Variants in IQCH observed in about 807,000 individuals in gnomAD.
IQCH encodes the protein IQ domain-containing protein H.
In IQCH, 98 loss-of-function variants were observed where a neutral mutation model predicts 117.0. That is an observed-to-expected ratio of 0.84 (90% confidence interval 0.71 to 0.99). IQCH has a LOEUF of 0.99. IQCH is among the 50% of genes least tolerant of loss of function. The probability of loss-of-function intolerance (pLI) is 0.00; values close to 1 mark genes in which losing one functional copy is unlikely to be tolerated. For missense variants in IQCH, 1,102 were observed against 1,243.8 expected, an observed-to-expected ratio of 0.89 and a Z score of 1.72; for synonymous variants, 412 against 448.2, an observed-to-expected ratio of 0.92 and a Z score of 1.02.
intron 18 of IQCH, among the ~76,000 whole-genome samples, chr15:67,485,099 C>G (rs904317279): frequency 6.6e-6 from 1 of 152,086 alleles, no homozygotes; most frequent in Non-Finnish European, 1.5e-5. Flanking sequence ...AAAGAAAAGT[C>G]TCTGCCTACC....
In IQCH at chr15:67,411,232, C is replaced by G. The variant is rs1254394427; in HGVS notation, c.2098-5699C>G. Among the ~76,000 whole-genome samples, 1 of 152,080 alleles carries G rather than the reference C, an allele frequency of 6.6e-6. No homozygotes were observed. The highest frequency in any genetic ancestry group is 1.9e-4 in the East Asian group (1 of 5,178). On this transcript the variant is annotated intron_variant, in intron 14 of 20. Transcript: ENST00000335894. The surrounding 1 kb of genome is among the most constrained non-coding windows in gnomAD (Gnocchi z 4.4). Reference sequence around the variant, plus strand: ...ATCCGGAGCACCTTTCATGGTGCTCCCCACTTTACACTCTGAAGAGGCAGC... The same window carrying G: ...ATCCGGAGCACCTTTCATGGTGCTCGCCACTTTACACTCTGAAGAGGCAGC...
Position 67,254,808 on chromosome 15 carries a change from G to T in IQCH, c.-89G>T. The T allele has an allele frequency of 1.4e-6, 2 of 1,434,698 alleles. No individual in the cohort carries two copies. The highest frequency in any genetic ancestry group is 1.2e-5 in the South Asian group (1 of 82,808). The allele number at this position is 1,434,698 out of a possible 1,614,324, so 88.9% of individuals were successfully genotyped here. Reference sequence around the variant, plus strand: ...CGTGGAACAGGCCAGGTCGCGCGCGGTGTTGCCATGGGGACGAGCGGCTCC... The same window carrying T: ...CGTGGAACAGGCCAGGTCGCGCGCGTTGTTGCCATGGGGACGAGCGGCTCC... On this transcript the variant is annotated 5_prime_UTR_variant, in exon 1 of 21. Transcript: ENST00000335894.
intron 10 of IQCH, among the ~76,000 whole-genome samples, chr15:67,377,388 A>G (rs985454055): frequency 1.3e-5 from 2 of 152,136 alleles, no homozygotes; most frequent in African/African-American, 4.8e-5. Context: ...TAACAAAATA[A>G]TCTACAGTGG....
At chr15:67,377,089 C>T (rs1304336878) in intron 10 of IQCH, among the ~76,000 whole-genome samples, 1 of 146,846 alleles carries the variant, frequency 6.8e-6, no homozygotes, top group Non-Finnish European at 1.5e-5. Context: ...TGCACTCTAG[C>T]CTGGGGACAC....
intron 6 of IQCH, among the ~76,000 whole-genome samples, chr15:67,351,392 C>A (rs1969657341): frequency 6.6e-6 from 1 of 152,116 alleles, no homozygotes; most frequent in Non-Finnish European, 1.5e-5. Context: ...TTTGAATAGA[C>A]CATAGTTAAT....
intron 3 of IQCH, among the ~76,000 whole-genome samples, chr15:67,277,826 C>G (rs1966192357): frequency 2.6e-5 from 4 of 152,166 alleles, no homozygotes; most frequent in Admixed American, 2.0e-4. Flanking sequence ...AGCCACCGCG[C>G]CTGGCCCAGT....
rs2081892612 is a variant in IQCH, at chr15:67,426,493, T to C, written c.2505+4916T>C. Among the ~76,000 whole-genome samples the C allele has an allele frequency of 6.6e-6, 1 of 151,892 alleles. No individual in the cohort carries two copies. Among genetic ancestry groups the C allele is most frequent in the South Asian group, 2.1e-4 (1 of 4,824 alleles). ...ACAATTACAATGTATCCACATTGTATGCATGTATCAAAATAGCACATGTAT... is the reference window on the plus strand; with the variant it reads ...ACAATTACAATGTATCCACATTGTACGCATGTATCAAAATAGCACATGTAT... On this transcript the variant is annotated intron_variant, in intron 16 of 20. Transcript: ENST00000335894. The surrounding 1 kb of genome is among the most constrained non-coding windows in gnomAD (Gnocchi z 5.1).
chr15:67,343,986 C>G, intron 5 of IQCH, 77 bp from the exon 6 acceptor site: 1 of 1,316,188 alleles, frequency 7.6e-7, no homozygotes, highest in East Asian at 2.3e-5. Flanking sequence ...GTAAGTTACA[C>G]TTGTGAAATT....
chr15:67,428,469 T>C (rs1435301472), intron 16 of IQCH, among the ~76,000 whole-genome samples: 1 of 152,128 alleles, frequency 6.6e-6, no homozygotes, highest in Non-Finnish European at 1.5e-5. Flanking sequence ...AAAAGGACTT[T>C]GCATATGTGA....
intron 1 of IQCH, among the ~76,000 whole-genome samples, chr15:67,259,652 T>C (rs570960986): frequency 1.2e-4 from 18 of 152,322 alleles, no homozygotes; most frequent in African/African-American, 4.1e-4. Context: ...TACAGAAAGA[T>C]ACATGGAGCT....
rs1163603039 is a variant in IQCH at position 67,430,720 on chromosome 15, A to G, written c.2505+9143A>G. The stretch of plus-strand genomic sequence containing the variant: ...TAATTACTCACTTTGGGGAAACTCT[A>G]AAAAAAACAAGTGTTTATTGAGCAT... On this transcript the variant is annotated intron_variant, in intron 16 of 20. Transcript: ENST00000335894. The surrounding 1 kb of genome is among the most constrained non-coding windows in gnomAD (Gnocchi z 5.1). 6.6e-6 allele frequency among the ~76,000 whole-genome samples: 1 copy of G among 151,938 alleles called. No homozygotes were observed. The highest frequency in any genetic ancestry group is 1.5e-5 in the Non-Finnish European group (1 of 67,972).
intron 4 of IQCH, among the ~76,000 whole-genome samples, chr15:67,326,487 T>C (rs1968414762): frequency 6.6e-6 from 1 of 152,242 alleles, no homozygotes; most frequent in Non-Finnish European, 1.5e-5. Context: ...CACCCAGTAA[T>C]GGGATGGCTG....
At position 67,413,986 on chromosome 15, in the gene IQCH, G is replaced by A. The variant is rs2081512806; in HGVS notation, c.2098-2945G>A. Among the ~76,000 whole-genome samples the A allele has an allele frequency of 6.6e-6, 1 of 152,210 alleles. No homozygotes were observed. The highest frequency in any genetic ancestry group is 1.5e-5 in the Non-Finnish European group (1 of 68,026). On this transcript the variant is annotated intron_variant, in intron 14 of 20. Transcript: ENST00000335894. This position sits in a 1 kb window ranked among gnomAD's most constrained non-coding sequence, Gnocchi z 5.0. The stretch of plus-strand genomic sequence containing the variant: ...CCACACACAAGCAGCAGGCTGATGA[G>A]TTACTTATTGGCCCTCACATAGTAT...
At position 67,372,398 on chromosome 15, in the gene IQCH, G is replaced by A. The variant is rs1970571629; in HGVS notation, c.1041G>A (p.Glu347=). ...GATATGACCTTCTCTCAGTGTTAGA[G>A]GACCCAGCTCATGTCCAAATGCTGA... ...LTRYDLLSVL[E]DPAHVQMLIN... is the part of the protein sequence containing the mutation. The change falls in exon 9 of 21, where the codon GAG becomes GAA. Residue 347 remains glutamate (E), a synonymous_variant. Transcript: ENST00000335894. 6.2e-7 allele frequency: 1 copy of A among 1,614,106 alleles called. No individual in the cohort carries two copies. Among genetic ancestry groups the A allele is most frequent in the Non-Finnish European group, 8.5e-7 (1 of 1,179,998 alleles).
chr15:67,269,719 A>G (rs28403471), intron 3 of IQCH, among the ~76,000 whole-genome samples: 6 of 143,748 alleles, frequency 4.2e-5, no homozygotes, highest in African/African-American at 1.3e-4. Context: ...TTTAGCTCCC[A>G]CATGTGAGAA....
chr15:67,451,600 A>G (rs1310129652), intron 16 of IQCH, among the ~76,000 whole-genome samples: 1 of 151,930 alleles, frequency 6.6e-6, no homozygotes, highest in Non-Finnish European at 1.5e-5. Flanking sequence ...AGTTTGTTAT[A>G]ATTTCTGTTA....
chr15:67,455,062 C>T (rs1474072638), intron 16 of IQCH, among the ~76,000 whole-genome samples: 2 of 152,182 alleles, frequency 1.3e-5, no homozygotes, highest in African/African-American at 4.8e-5. Context: ...TCTTTGCCAA[C>T]ACTTGTTATT....
chr15:67,418,424 T>C (rs2081630319), intron 15 of IQCH, among the ~76,000 whole-genome samples: 1 of 151,826 alleles, frequency 6.6e-6, no homozygotes, highest in Non-Finnish European at 1.5e-5. Context: ...TCTAAAATTT[T>C]GTGATTCTGT....
chr15:67,464,179 C>T (rs1381914313), intron 16 of IQCH, among the ~76,000 whole-genome samples: 1 of 152,192 alleles, frequency 6.6e-6, no homozygotes, highest in East Asian at 1.9e-4. Context: ...CTTTGACTCT[C>T]CAGTGACTAG....
Sources: gnomAD v4.1 joint callset for allele counts (sites outside exome capture counted in the v4.1 genomes callset) on GRCh38, gnomAD v4.1.1 for gene constraint, Gnocchi (gnomAD v3.1) non-coding constraint, MANE v1.5 for transcripts, NCBI Gene and HGNC (gene_info 2026-07-23, HGNC 2026-07-21) for gene names.